The following GRIN2B variants were observed in gnomAD, a reference collection of about 807,000 sequenced individuals.
GRIN2B encodes the protein glutamate receptor ionotropic, NMDA 2B.
A neutral mutation model predicts 114.5 loss-of-function variants in GRIN2B; 5 were observed. That is an observed-to-expected ratio of 0.04 (90% CI 0.02 to 0.09). The LOEUF is 0.09. Ranked by LOEUF, GRIN2B falls within the 10% of genes least tolerant of loss-of-function variation. The pLI, the probability that GRIN2B is intolerant of heterozygous loss-of-function variation, is 1.00. For missense variants in GRIN2B, 1,108 were observed against 1,943.5 expected (o/e 0.57, Z 8.08); for synonymous variants, 787 against 745.1 (o/e 1.06, Z -0.92).
At position 13,541,651 on chromosome 12, in the gene GRIN2B, G is replaced by A. The variant is rs1451650717; in HGVS notation, c.*21132C>T. On this transcript the variant is annotated 3_prime_UTR_variant, in exon 14 of 14. Transcript: ENST00000609686. Reference sequence around the variant, plus strand: ...CAAGATGAACATAATTTAATCTTTTGGGGGAAAACGGCTGGCAGGATATGA... The same window carrying A: ...CAAGATGAACATAATTTAATCTTTTAGGGGAAAACGGCTGGCAGGATATGA... 1.3e-5 allele frequency: 2 copies of A among 152,190 alleles called. No individual in the cohort carries two copies. The highest frequency in any genetic ancestry group is 6.5e-5 in the Admixed American group (1 of 15,276). 9.4% of individuals were successfully genotyped at this position (152,190 alleles called of 1,614,324 possible).
At chr12:13,681,354 C>G (rs1443687970) in intron 4 of GRIN2B, among the ~76,000 whole-genome samples, 1 of 152,138 alleles carries the variant, frequency 6.6e-6, no homozygotes, top group African/African-American at 2.4e-5. Flanking sequence ...GTGTCCTAAC[C>G]CCTAGTCCGG....
intron 4 of GRIN2B, among the ~76,000 whole-genome samples, chr12:13,749,648 C>G (rs1863447109): frequency 6.6e-6 from 1 of 152,142 alleles, no homozygotes; most frequent in East Asian, 1.9e-4. Flanking sequence ...AAGAGTGACC[C>G]TAGTGAGACC....
Position 13,615,202 on chromosome 12 carries a change from C to T in GRIN2B, c.1566G>A (p.Val522=), listed in dbSNP as rs1019962975. 1 of 1,613,494 alleles carries T rather than the reference C, an allele frequency of 6.2e-7. No individual in the cohort carries two copies. The highest frequency in any genetic ancestry group is 1.3e-5 in the African/African-American group (1 of 74,888). The part of the protein sequence containing the change: ...SLTINEERSE[V]VDFSVPFIET... The stretch of plus-strand genomic sequence containing the variant: ...CTATGAAGGGCACAGAGAAGTCGAC[C>T]ACCTCCGATCGTTCCTCATTGATGG... The change falls in exon 8 of 14, where the codon GTG becomes GTA. Residue 522 remains valine, a synonymous_variant. Transcript: ENST00000609686. The surrounding 1 kb of genome is among the most constrained non-coding windows in gnomAD (Gnocchi z 5.8).
intron 2 of GRIN2B, among the ~76,000 whole-genome samples, chr12:13,906,529 GT>G (rs1464394076): frequency 6.6e-6 from 1 of 152,116 alleles, no homozygotes; most frequent in Non-Finnish European, 1.5e-5. Context: ...AAAATGTGTG[GT>G]TTTCACACAT....
chr12:13,807,759 A>G (rs1312539409), intron 3 of GRIN2B, among the ~76,000 whole-genome samples: 1 of 142,674 alleles, frequency 7.0e-6, no homozygotes, highest in African/African-American at 2.6e-5. Context: ...TCACAGGAAA[A>G]GTAAAGGTAG....
rs1360966543 is a variant in GRIN2B, at chr12:13,547,405, C to T, written c.*15378G>A. On this transcript the variant is annotated 3_prime_UTR_variant, in exon 14 of 14. Transcript: ENST00000609686. ...GAAGAGGAAAGGGGTGATCATGTGT[C>T]TCAAAGAAGAGATAACTTTGAGGGA... is the stretch of plus-strand genomic sequence containing the variant. 6.6e-6 allele frequency: 1 copy of T among 152,096 alleles called. No homozygotes were observed. Among genetic ancestry groups the T allele is most frequent in the Non-Finnish European group, 1.5e-5 (1 of 68,012 alleles). 9.4% of individuals were successfully genotyped at this position (152,096 alleles called of 1,614,324 possible). A position where few individuals can be genotyped will look rare whatever the true frequency, so the allele number is the denominator to read the frequency against.
rs538702611 is a variant in GRIN2B, at chr12:13,962,723, C to A, written c.-19+17205G>T. ...CAAGCCTTGGAGGCTGGCAGGCGGG[C>A]GGGCGGGCTGACCTCCACAAAGAAG... On this transcript the variant is annotated intron_variant, in intron 2 of 13. Coordinates refer to ENST00000609686, the MANE Select transcript of GRIN2B (RefSeq NM_000834.5). Among the ~76,000 whole-genome samples, 3 of 152,296 alleles carry A rather than the reference C, an allele frequency of 2.0e-5. No individual in the cohort carries two copies. In the East Asian group the frequency reaches 5.8e-4, roughly 29 times the overall value.
chr12:13,786,610 G>A (rs1054995447), intron 3 of GRIN2B, among the ~76,000 whole-genome samples: 21 of 152,086 alleles, frequency 1.4e-4, no homozygotes, highest in African/African-American at 4.3e-4. Flanking sequence ...GGAGGCTAGG[G>A]GCTGAGAAAG....
At chr12:13,865,163 A>C (rs1865807612) in intron 3 of GRIN2B, among the ~76,000 whole-genome samples, 2 of 152,196 alleles carry the variant, frequency 1.3e-5, no homozygotes, top group Admixed American at 6.5e-5. Context: ...GTATTGCCAA[A>C]GAATAACAGA....
In GRIN2B at chr12:13,611,795, T is replaced by A. The variant is rs780419689; in HGVS notation, c.1710A>T (p.Ser570=). The part of the protein sequence containing the change: ...VMMFVMLLIV[S]AVAVFVFEYF... Reference sequence around the variant, plus strand: ...ACTCAAAGACAAAGACAGCCACGGCTGAGACGATGAGCAGCATCACAAACA... The same window carrying A: ...ACTCAAAGACAAAGACAGCCACGGCAGAGACGATGAGCAGCATCACAAACA... The change falls in exon 9 of 14, where the codon TCA becomes TCT. Residue 570 remains serine, a synonymous_variant. Coordinates refer to ENST00000609686, the MANE Select transcript of GRIN2B (RefSeq NM_000834.5). 4 of 1,613,322 alleles carry A rather than the reference T, an allele frequency of 2.5e-6. No individual in the cohort carries two copies. The African/African-American group carries it at 5.3e-5, about 22-fold the overall frequency.
At chr12:13,852,008 C>T (rs1865573385) in intron 3 of GRIN2B, among the ~76,000 whole-genome samples, 1 of 152,074 alleles carries the variant, frequency 6.6e-6, no homozygotes, top group Non-Finnish European at 1.5e-5. Context: ...AGCCTGTTGC[C>T]CTAGCAACGT....
chr12:13,906,229 C>T (rs1225839082), intron 2 of GRIN2B, among the ~76,000 whole-genome samples: 1 of 152,084 alleles, frequency 6.6e-6, no homozygotes, highest in Non-Finnish European at 1.5e-5. Context: ...CTTTTTTATG[C>T]CTCTGTCACT....
In GRIN2B at chr12:13,866,194, C is replaced by T. The variant is rs34315573; in HGVS notation, c.15G>A (p.Ala5=). 65,239 of 1,609,162 alleles carry T rather than the reference C, an allele frequency of 0.041. 1,934 individuals are homozygous for T. Among genetic ancestry groups the T allele is most frequent in the South Asian group, 0.098 (8,895 of 91,056 alleles). The change falls in exon 3 of 14, where the codon GCG becomes GCA. Residue 5 remains alanine, a synonymous_variant. Coordinates refer to ENST00000609686, the MANE Select transcript of GRIN2B (RefSeq NM_000834.5). MKPR[A]ECCSPKFWLV... ...ACCAGAACTTGGGAGAACAGCACTC[C>T]GCTCTGGGCTTCATCTTCAACTCGT...
intron 4 of GRIN2B, among the ~76,000 whole-genome samples, chr12:13,699,669 C>A (rs1401572283): frequency 1.3e-5 from 2 of 151,862 alleles, no homozygotes; most frequent in African/African-American, 2.4e-5. Context: ...CTCACTGCAA[C>A]CTCCGCCTCC....
At chr12:13,576,997 G>A (rs1948785323) in intron 10 of GRIN2B, among the ~76,000 whole-genome samples, 1 of 152,196 alleles carries the variant, frequency 6.6e-6, no homozygotes, top group Non-Finnish European at 1.5e-5. Context: ...TCATAGATGA[G>A]GAAACCGAAG....
At position 13,753,908 on chromosome 12, in the gene GRIN2B, G is replaced by A; in HGVS notation, c.419C>T (p.Ser140Phe). 6.3e-7 allele frequency: 1 copy of A among 1,598,346 alleles called. No individual in the cohort carries two copies. Among genetic ancestry groups the A allele is most frequent in the Non-Finnish European group, 8.6e-7 (1 of 1,165,782 alleles). ...SSMIMADKDE[S>F]SMFFQFGPSI... ...TGGGCCAAACTGGAAGAACATGGAGGATTCATCCTAGAAAAAGAACAGGAC... is the reference window on the plus strand; with the variant it reads ...TGGGCCAAACTGGAAGAACATGGAGAATTCATCCTAGAAAAAGAACAGGAC... Residue 140 changes from serine to phenylalanine, a missense_variant, in exon 4 of 14, where the codon TCC (serine) becomes TTC (phenylalanine). Around this residue, in one of 19 missense-constraint regions of GRIN2B, gnomAD observed 199 missense variants for 439.6 expected, o/e 0.45. Coordinates refer to ENST00000609686, the MANE Select transcript of GRIN2B (RefSeq NM_000834.5). The surrounding 1 kb of genome is among the most constrained non-coding windows in gnomAD (Gnocchi z 6.2).
chr12:13,569,156 G>T lies in GRIN2B; in HGVS notation c.2359+674C>A, dbSNP rs199817871. On this transcript the variant is annotated intron_variant, in intron 12 of 13. Coordinates refer to ENST00000609686, the MANE Select transcript of GRIN2B (RefSeq NM_000834.5). ...GATTATAGCCTGCAACCCAGAAAAA[G>T]ACCTCCTTGACAAACTGCTTCAATC... is the stretch of plus-strand genomic sequence containing the variant. 2.0e-5 allele frequency among the ~76,000 whole-genome samples: 3 copies of T among 152,108 alleles called. No individual in the cohort carries two copies. The East Asian group carries it at 5.8e-4, about 29-fold the overall frequency.
chr12:13,848,925 G>A (rs1865512914), intron 3 of GRIN2B, among the ~76,000 whole-genome samples: 1 of 152,182 alleles, frequency 6.6e-6, no homozygotes, highest in East Asian at 1.9e-4. Context: ...GAACTGAAAT[G>A]ACACCAGTAA....
intron 3 of GRIN2B, among the ~76,000 whole-genome samples, chr12:13,784,015 A>T (rs1429685909): frequency 6.6e-6 from 1 of 152,042 alleles, no homozygotes; most frequent in Non-Finnish European, 1.5e-5. Context: ...CGAGTTCAGG[A>T]GATCGAGACC....
Sources: gnomAD v4.1 joint callset for allele counts (sites outside exome capture counted in the v4.1 genomes callset) on GRCh38, gnomAD v4.1.1 for gene constraint, gnomAD v4.1.1 regional missense constraint, Gnocchi (gnomAD v3.1) non-coding constraint, MANE v1.5 for transcripts, NCBI Gene and HGNC (gene_info 2026-07-23, HGNC 2026-07-21) for gene names.